RCSD1: variants seen among roughly 807,000 people sequenced by gnomAD.
The protein encoded by RCSD1 is capZ-interacting protein.
RCSD1 carries 26 observed loss-of-function variants against 42.5 expected under a neutral mutation model. That is an observed-to-expected ratio of 0.61 (90% CI 0.45 to 0.85). The LOEUF is 0.85. Ranked by LOEUF, RCSD1 falls within the 40% of genes least tolerant of loss-of-function variation. The pLI is 0.00. For missense variants in RCSD1, 571 were observed against 528.3 expected, an observed-to-expected ratio of 1.08 and a Z score of -0.79; for synonymous variants, 220 against 212.2, an observed-to-expected ratio of 1.04 and a Z score of -0.32.
chr1:167,681,465 G>T (rs77047114), intron 1 of RCSD1, among the ~76,000 whole-genome samples: 24 of 152,172 alleles, frequency 1.6e-4, no homozygotes, highest in Non-Finnish European at 2.9e-4. Context: ...TAGGCTCCAG[G>T]AAAACAAACT....
At chr1:167,696,314 T>A (rs1207188595) in intron 5 of RCSD1, among the ~76,000 whole-genome samples, 4 of 152,132 alleles carry the variant, frequency 2.6e-5, no homozygotes, top group African/African-American at 7.2e-5. Context: ...GCATTTTGCA[T>A]CTTCACAAGA....
At chr1:167,700,306 A>G (rs1487964704) in intron 6 of RCSD1, among the ~76,000 whole-genome samples, 1 of 152,088 alleles carries the variant, frequency 6.6e-6, no homozygotes, top group Non-Finnish European at 1.5e-5. Flanking sequence ...TATGACTGAG[A>G]CCCCTGGGTT....
rs570244039 is a variant in RCSD1, at chr1:167,706,123, A to G, written c.*1427A>G. ...AACTCCAGGGTAGTGTTTAGTGTTA[A>G]TATTTGGGATATATTTTTTTTCAAA... On this transcript the variant is annotated 3_prime_UTR_variant, in exon 7 of 7. Coordinates refer to ENST00000367854, the MANE Select transcript of RCSD1 (RefSeq NM_052862.4). The G allele has an allele frequency of 2.0e-5, 3 of 152,278 alleles. No homozygotes were observed. The highest frequency in any genetic ancestry group is 2.9e-5 in the Non-Finnish European group (2 of 68,026). 9.4% of individuals were successfully genotyped at this position (152,278 alleles called of 1,614,324 possible).
intron 1 of RCSD1, among the ~76,000 whole-genome samples, chr1:167,644,256 G>A (rs961418731): frequency 2.6e-5 from 4 of 152,144 alleles, no homozygotes; most frequent in Non-Finnish European, 4.4e-5. Flanking sequence ...GAGGCAGGCC[G>A]ATCACCTGAG....
chr1:167,686,309 CA>C (rs1409691022), intron 3 of RCSD1, among the ~76,000 whole-genome samples: 1 of 152,192 alleles, frequency 6.6e-6, no homozygotes, highest in Non-Finnish European at 1.5e-5. Flanking sequence ...TCCACTTCAA[CA>C]ACCTCTTTAT....
intron 3 of RCSD1, among the ~76,000 whole-genome samples, chr1:167,689,472 C>G (rs984721057): frequency 7.0e-6 from 1 of 142,568 alleles, no homozygotes; most frequent in African/African-American, 2.7e-5. Flanking sequence ...ACAAGCAGGA[C>G]TCTGTCTCAA....
At chr1:167,654,306 G>T (rs146495811) in intron 1 of RCSD1, among the ~76,000 whole-genome samples, 1 of 152,282 alleles carries the variant, frequency 6.6e-6, no homozygotes, top group Non-Finnish European at 1.5e-5. Context: ...ATGGTCTTGG[G>T]TGGCTGCACC....
intron 5 of RCSD1, among the ~76,000 whole-genome samples, chr1:167,696,655 G>A (rs545684672): frequency 1.4e-3 from 207 of 151,920 alleles, no homozygotes; most frequent in Non-Finnish European, 2.1e-3. Context: ...GTCTCGCTAC[G>A]TTGCCCAGGC....
intron 6 of RCSD1, among the ~76,000 whole-genome samples, chr1:167,704,416 T>C (rs960025531): frequency 6.6e-5 from 10 of 152,248 alleles, no homozygotes; most frequent in Non-Finnish European, 2.9e-5. Flanking sequence ...ATAACCTCTC[T>C]GTGCCTTCAT....
chr1:167,705,478 A>C lies in RCSD1; in HGVS notation c.*782A>C, dbSNP rs959546180. On this transcript the variant is annotated 3_prime_UTR_variant, in exon 7 of 7. Coordinates refer to ENST00000367854, the MANE Select transcript of RCSD1 (RefSeq NM_052862.4). ...AACTCCCATGGAGAGGCAGAATGGC[A>C]GGAGGTTTCATGTCCCGCGTTGCAT... The C allele has an allele frequency of 1.3e-5, 2 of 152,124 alleles. No homozygotes were observed. The highest frequency in any genetic ancestry group is 1.5e-5 in the Non-Finnish European group (1 of 68,010). 9.4% of individuals were successfully genotyped at this position (152,124 alleles called of 1,614,324 possible). A position where few individuals can be genotyped will look rare whatever the true frequency, so the allele number is the denominator to read the frequency against.
intron 4 of RCSD1, among the ~76,000 whole-genome samples, chr1:167,690,644 A>G (rs1659353194): frequency 6.6e-6 from 1 of 152,200 alleles, no homozygotes; most frequent in African/African-American, 2.4e-5. Flanking sequence ...ACTACACTCC[A>G]GCCTGAGTAA....
intron 6 of RCSD1, 95 bp downstream of exon 6, chr1:167,697,937 C>T (rs996642358): frequency 7.8e-7 from 1 of 1,285,628 alleles, no homozygotes; most frequent in Non-Finnish European, 9.9e-7. Context: ...CTTCATAAAT[C>T]AGCTCGACAT....
chr1:167,640,276 A>G (rs1267017454), intron 1 of RCSD1: 1 of 151,884 alleles, frequency 6.6e-6, no homozygotes, highest in Admixed American at 6.6e-5. Flanking sequence ...CTCATTCCCC[A>G]CTAAGGCTCG....
intron 6 of RCSD1, among the ~76,000 whole-genome samples, chr1:167,698,307 TG>T (rs1462301595): frequency 6.6e-6 from 1 of 152,210 alleles, no homozygotes; most frequent in African/African-American, 2.4e-5. Flanking sequence ...AATAGGGCAG[TG>T]GACAGGGGGC....
intron 1 of RCSD1, among the ~76,000 whole-genome samples, chr1:167,648,079 C>A (rs1225486878): frequency 6.6e-6 from 1 of 152,148 alleles, no homozygotes; most frequent in African/African-American, 2.4e-5. Context: ...TAATTTTAAT[C>A]AGTGTATATA....
intron 1 of RCSD1, 127 bp from the exon 2 acceptor site, chr1:167,683,773 C>A: frequency 2.4e-6 from 2 of 848,846 alleles, no homozygotes; most frequent in Non-Finnish European, 3.8e-6. Context: ...ATGCAGGAGC[C>A]AGTTGGATAA....
rs185364582 is a variant in RCSD1, at chr1:167,665,857, T to A, written c.7-18043T>A. 1.5e-4 allele frequency among the ~76,000 whole-genome samples: 23 copies of A among 152,074 alleles called. No homozygotes were observed. The East Asian group carries it at 4.3e-3, about 28-fold the overall frequency. ...GACAGAGTCTCACTCCGTTGCCCAG[T>A]CTGGAGTGCGGTGGCATGATCTCCA... is the stretch of plus-strand genomic sequence containing the variant. On this transcript the variant is annotated intron_variant, in intron 1 of 6. Transcript: ENST00000367854.
In RCSD1 at chr1:167,697,859, G is replaced by T. The variant is rs375880340; in HGVS notation, c.1218+17G>T. The T allele has an allele frequency of 1.0e-4, 148 of 1,452,924 alleles. No individual in the cohort carries two copies. Among genetic ancestry groups the T allele is most frequent in the Non-Finnish European group, 1.3e-4 (148 of 1,102,820 alleles). The allele number at this position is 1,452,924 out of a possible 1,614,324, so 90.0% of individuals were successfully genotyped here. A position where few individuals can be genotyped will look rare whatever the true frequency, so the allele number is the denominator to read the frequency against. Reference sequence around the variant, plus strand: ...AAGCCGGAGGTAGGTGGCCTGGCTCGTTCACATGCAGAAGGCAGTGCCAGG... The same window carrying T: ...AAGCCGGAGGTAGGTGGCCTGGCTCTTTCACATGCAGAAGGCAGTGCCAGG... On this transcript the variant is annotated intron_variant, in intron 6 of 6. Coordinates refer to ENST00000367854, the MANE Select transcript of RCSD1 (RefSeq NM_052862.4).
chr1:167,689,499 A>G (rs917306206), intron 3 of RCSD1, among the ~76,000 whole-genome samples: 11 of 151,082 alleles, frequency 7.3e-5, no homozygotes, highest in African/African-American at 2.2e-4. Context: ...AAAAAAAAAG[A>G]AAAGAAAAGA....
Sources: allele counts gnomAD v4.1 joint callset (sites outside exome capture counted in the v4.1 genomes callset), GRCh38; gene constraint gnomAD v4.1.1; transcripts MANE v1.5; gene names NCBI Gene and HGNC (gene_info 2026-07-23, HGNC 2026-07-21).